The following ETNK1 variants were observed in gnomAD, a reference collection of about 807,000 sequenced individuals.
The protein encoded by ETNK1 is putative protein product of Nbla10396.
A neutral mutation model predicts 45.1 loss-of-function variants in ETNK1; 8 were observed. The observed-to-expected ratio is 0.18, with a 90% confidence interval of 0.10 to 0.32. The LOEUF (loss-of-function observed/expected upper bound fraction) is 0.32, where lower values mean the gene tolerates loss of function less well. Ranked by LOEUF, ETNK1 falls within the 10% of genes least tolerant of loss-of-function variation. The pLI, the probability that ETNK1 is intolerant of heterozygous loss-of-function variation, is 1.00. For synonymous variants in ETNK1, 152 were observed against 151.9 expected, an observed-to-expected ratio of 1.00 and a Z score of -0.01; for missense variants, 302 against 430.6, an observed-to-expected ratio of 0.70 and a Z score of 2.64.
At chr12:22,654,910 A>G (rs1250511099) in intron 2 of ETNK1, among the ~76,000 whole-genome samples, 2 of 152,326 alleles carry the variant, frequency 1.3e-5, no homozygotes, top group African/African-American at 4.8e-5. Context: ...ATACTTGGAA[A>G]AATTTTACCT....
chr12:22,677,555 T>C (rs1441836691), intron 6 of ETNK1, among the ~76,000 whole-genome samples: 1 of 152,256 alleles, frequency 6.6e-6, no homozygotes, highest in East Asian at 1.9e-4. Context: ...AGAAAGTCAA[T>C]GGAAGCTTGA....
In ETNK1 at chr12:22,684,538, T is replaced by C; in HGVS notation, c.1001T>C (p.Ile334Thr). ...TTGATTCAAGCCAAATACTCCACTA[T>C]TGAGTTTGATTTCCTTGGGTAAGTT... ...WALIQAKYST[I>T]EFDFLGYAIV... The change falls in exon 7 of 8, where the codon ATT becomes ACT. Residue 334 changes from isoleucine to threonine, a missense_variant. By Grantham distance (89) the Ile-to-Thr change is moderately conservative (BLOSUM62 -1). This residue lies in a region of ETNK1 where 94 missense variants were observed against 152.9 expected (regional missense o/e 0.61). Coordinates refer to ENST00000266517, the MANE Select transcript of ETNK1 (RefSeq NM_018638.5). 1 of 1,608,094 alleles carries C rather than the reference T, an allele frequency of 6.2e-7. No homozygotes were observed. The highest frequency in any genetic ancestry group is 8.5e-7 in the Non-Finnish European group (1 of 1,175,820).
In ETNK1 at chr12:22,685,635, T is replaced by C. The variant is rs1565450704; in HGVS notation, c.*681T>C. 6.6e-6 allele frequency: 1 copy of C among 151,834 alleles called. No individual in the cohort carries two copies. The highest frequency in any genetic ancestry group is 1.5e-5 in the Non-Finnish European group (1 of 67,772). 9.4% of individuals were successfully genotyped at this position (151,834 alleles called of 1,614,324 possible). On this transcript the variant is annotated 3_prime_UTR_variant, in exon 8 of 8. Coordinates refer to ENST00000266517, the MANE Select transcript of ETNK1 (RefSeq NM_018638.5). ...TGTAGTCTGGCAGTATAAATATAAA[T>C]ATTTACCATATAATCTTGGAATAAG...
At chr12:22,647,880 C>A (rs1321135219) in intron 2 of ETNK1, among the ~76,000 whole-genome samples, 1 of 151,860 alleles carries the variant, frequency 6.6e-6, no homozygotes, top group Non-Finnish European at 1.5e-5. Context: ...CAGCGTTTGA[C>A]TTGATGTTAC....
intron 2 of ETNK1, among the ~76,000 whole-genome samples, chr12:22,647,910 C>G (rs1295148264): frequency 6.6e-6 from 1 of 151,806 alleles, no homozygotes; most frequent in Non-Finnish European, 1.5e-5. Context: ...ACCTCGCTTA[C>G]TGAGACAAGG....
At chr12:22,631,320 G>A (rs542449912) in intron 1 of ETNK1, among the ~76,000 whole-genome samples, 18 of 151,872 alleles carry the variant, frequency 1.2e-4, no homozygotes, top group African/African-American at 1.9e-4. Context: ...GATTACAGGC[G>A]CCTGCCACCA....
At chr12:22,681,689 C>T (rs548364895) in intron 6 of ETNK1, among the ~76,000 whole-genome samples, 11 of 151,922 alleles carry the variant, frequency 7.2e-5, no homozygotes, top group Admixed American at 7.2e-4. Context: ...AAATAGAATA[C>T]TATTTTTCAA....
At chr12:22,635,999 C>G (rs1017161237) in intron 1 of ETNK1, among the ~76,000 whole-genome samples, 1 of 151,966 alleles carries the variant, frequency 6.6e-6, no homozygotes, top group African/African-American at 2.4e-5. Context: ...CCAACCCTGT[C>G]TCTACAAAAA....
Position 22,626,400 on chromosome 12 carries a change from C to A in ETNK1, c.156+814C>A, listed in dbSNP as rs181296187. On this transcript the variant is annotated intron_variant, in intron 1 of 7. Coordinates refer to ENST00000266517, the MANE Select transcript of ETNK1 (RefSeq NM_018638.5). ...TCAGGAACTAGATACAAAAATAGAT[C>A]TCTTTTTCTCCTTTTCCCTTGCAAA... is the stretch of plus-strand genomic sequence containing the variant. Among the ~76,000 whole-genome samples, 428 of 150,212 alleles carry A rather than the reference C, an allele frequency of 2.8e-3. 2 individuals carry two copies. Among genetic ancestry groups the A allele is most frequent in the African/African-American group, 0.01 (412 of 40,724 alleles).
At chr12:22,649,825 T>C (rs1953852214) in intron 2 of ETNK1, among the ~76,000 whole-genome samples, 1 of 152,070 alleles carries the variant, frequency 6.6e-6, no homozygotes, top group Non-Finnish European at 1.5e-5. Context: ...TTAGAATCAG[T>C]TTTTCAATAT....
chr12:22,645,533 C>G (rs1011318092), intron 2 of ETNK1, among the ~76,000 whole-genome samples: 2 of 151,626 alleles, frequency 1.3e-5, no homozygotes, highest in African/African-American at 4.8e-5. Flanking sequence ...TTCCCAAATG[C>G]CAAAGCCTTT....
intron 1 of ETNK1, among the ~76,000 whole-genome samples, chr12:22,640,058 G>A (rs1489834906): frequency 2.0e-5 from 3 of 152,092 alleles, no homozygotes; most frequent in African/African-American, 7.2e-5. Context: ...TCAATATTAA[G>A]CAATTAAAAA....
In ETNK1 at chr12:22,655,927, T is replaced by C. The variant is rs552851489; in HGVS notation, c.417-3087T>C. On this transcript the variant is annotated intron_variant, in intron 2 of 7. Transcript: ENST00000266517. ...AATTTTGTGCAGCGTTATAGGGGTG[T>C]TCTATAGTGATACAACTTGGCCTTT... Among the ~76,000 whole-genome samples the C allele has an allele frequency of 1.3e-3, 200 of 152,306 alleles. 1 individual carries two copies. The highest frequency in any genetic ancestry group is 6.8e-3 in the Middle Eastern group (2 of 294).
At chr12:22,628,286 T>G (rs1233826582) in intron 1 of ETNK1, among the ~76,000 whole-genome samples, 1 of 152,132 alleles carries the variant, frequency 6.6e-6, no homozygotes, top group East Asian at 1.9e-4. Context: ...TGAATTATTG[T>G]TCTATGACCA....
At chr12:22,629,538 AT>A (rs1160209649) in intron 1 of ETNK1, among the ~76,000 whole-genome samples, 1 of 152,112 alleles carries the variant, frequency 6.6e-6, no homozygotes, top group Non-Finnish European at 1.5e-5. Context: ...GATAGTTGAT[AT>A]TTTATATTGG....
intron 1 of ETNK1, among the ~76,000 whole-genome samples, chr12:22,637,336 T>C (rs1953669207): frequency 6.6e-6 from 1 of 152,128 alleles, no homozygotes; most frequent in African/African-American, 2.4e-5. Flanking sequence ...GGGAGAGGGG[T>C]TGTTTCAAGT....
chr12:22,689,648 A>G lies in ETNK1; in HGVS notation c.*4694A>G, dbSNP rs920172663. ...ATGCATTAGTTAAATTTCAAAACTC[A>G]TAATAAAGGAACTTTCAGAGATTGG... is the stretch of plus-strand genomic sequence containing the variant. On this transcript the variant is annotated 3_prime_UTR_variant, in exon 8 of 8. Transcript: ENST00000266517. The G allele has an allele frequency of 6.6e-6, 1 of 152,050 alleles. No individual in the cohort carries two copies. Among genetic ancestry groups the G allele is most frequent in the African/African-American group, 2.4e-5 (1 of 41,454 alleles). The allele number at this position is 152,050 out of a possible 1,614,324, so 9.4% of individuals were successfully genotyped here.
chr12:22,671,315 C>T lies in ETNK1; in HGVS notation c.744C>T (p.Tyr248=), dbSNP rs752348285. Residue 248 remains tyrosine (Y), a synonymous_variant, in exon 5 of 8, where the codon TAC becomes TAT. Transcript: ENST00000266517. The part of the protein sequence containing the change: ...FIDYEYSGYN[Y]LAYDIGNHFN... ...ATTATGAATATTCTGGATACAACTACCTGGCATATGATATTGGAAATCATT... is the reference window on the plus strand; with the variant it reads ...ATTATGAATATTCTGGATACAACTATCTGGCATATGATATTGGAAATCATT... 1.3e-5 allele frequency: 21 copies of T among 1,610,812 alleles called. No homozygotes were observed. In the Admixed American group the frequency reaches 3.5e-4, roughly 27 times the overall value.
At chr12:22,654,201 T>G (rs551384224) in intron 2 of ETNK1, among the ~76,000 whole-genome samples, 21 of 152,342 alleles carry the variant, frequency 1.4e-4, no homozygotes, top group Admixed American at 2.6e-4. Flanking sequence ...GAAATTTATG[T>G]CATTTATAAG....
Sources: allele counts gnomAD v4.1 joint callset (sites outside exome capture counted in the v4.1 genomes callset), GRCh38; gene constraint gnomAD v4.1.1; regional missense constraint gnomAD v4.1.1; transcripts MANE v1.5; gene names NCBI Gene and HGNC (gene_info 2026-07-23, HGNC 2026-07-21).